The following ALPK1 variants were observed in gnomAD, a reference collection of about 807,000 sequenced individuals.
ALPK1 encodes alpha-protein kinase 1.
Under a neutral mutation model 120.6 loss-of-function variants are expected in ALPK1, and 110 were observed. That is an observed-to-expected ratio of 0.91 (90% CI 0.78 to 1.07). The LOEUF (loss-of-function observed/expected upper bound fraction) is 1.07. Ranked by LOEUF, ALPK1 falls within the 50% of genes least tolerant of loss-of-function variation. The pLI is 0.00. For synonymous variants in ALPK1, 582 were observed against 560.3 expected (o/e 1.04, Z -0.55); for missense variants, 1,498 against 1,483.9 (o/e 1.01, Z -0.16).
intron 5 of ALPK1, among the ~76,000 whole-genome samples, chr4:112,423,183 A>C (rs1734074705): frequency 6.6e-6 from 1 of 152,236 alleles, no homozygotes; most frequent in Non-Finnish European, 1.5e-5. Context: ...ATTTGAGCAA[A>C]GACCTGAAGA....
chr4:112,411,761 C>G, intron 4 of ALPK1, 66 bp from the exon 5 acceptor site: 1 of 1,498,660 alleles, frequency 6.7e-7, no homozygotes, highest in African/African-American at 1.4e-5. Flanking sequence ...GCCTCCCACG[C>G]TAAGCCTGGC....
Position 112,438,565 on chromosome 4 carries a change from C to T in ALPK1, c.3270C>T (p.His1090=), listed in dbSNP as rs375281997. Residue 1090 remains histidine (H), a synonymous_variant, in exon 13 of 16, where the codon CAC becomes CAT. Transcript: ENST00000650871. The part of the protein sequence containing the change: ...TDVERQMTAQ[H]YVTEFNKRLY... ...TGGAGCGACAGATGACCGCACAGCA[C>T]TATGTGACAGAATTTAACAAGAGAC... 463 of 1,613,738 alleles carry T rather than the reference C, an allele frequency of 2.9e-4. No homozygotes were observed. Among genetic ancestry groups the T allele is most frequent in the Non-Finnish European group, 3.7e-4 (441 of 1,179,820 alleles).
At chr4:112,424,868 T>C (rs1345358467) in intron 6 of ALPK1, among the ~76,000 whole-genome samples, 2 of 152,202 alleles carry the variant, frequency 1.3e-5, no homozygotes, top group Non-Finnish European at 2.9e-5. Context: ...GTAAAGAGTC[T>C]GCCTCTATTT....
At chr4:112,348,794 C>A (rs1421122622) in intron 2 of ALPK1, among the ~76,000 whole-genome samples, 2 of 152,234 alleles carry the variant, frequency 1.3e-5, no homozygotes, top group African/African-American at 4.8e-5. Flanking sequence ...GGAGTGTGGT[C>A]TGCCAATCCC....
chr4:112,381,696 G>A (rs979136910), intron 3 of ALPK1, among the ~76,000 whole-genome samples: 33 of 152,254 alleles, frequency 2.2e-4, no homozygotes, highest in African/African-American at 7.5e-4. Context: ...ACTATAAATA[G>A]CCTCTAGTTA....
At chr4:112,377,202 T>C (rs1019238841) in intron 2 of ALPK1, among the ~76,000 whole-genome samples, 2 of 152,200 alleles carry the variant, frequency 1.3e-5, no homozygotes, top group Non-Finnish European at 2.9e-5. Context: ...ATTGCCTATC[T>C]TGGTCCAAAT....
chr4:112,403,139 A>C (rs929308319), intron 4 of ALPK1, among the ~76,000 whole-genome samples: 1 of 152,008 alleles, frequency 6.6e-6, no homozygotes, highest in Non-Finnish European at 1.5e-5. Flanking sequence ...ACTCTTTAGC[A>C]TCCCTTCCCT....
chr4:112,324,448 TTTTG>T lies in ALPK1; in HGVS notation c.-101+8616_-101+8619del, dbSNP rs551021178. ...GGTAAGGAGAGGTTGGCCTGGCTTT[TTTTG>T]TTTGTTTGTTTGTTTGTTTTGTTTT... On this transcript the variant is annotated intron_variant, in intron 2 of 15. Coordinates refer to ENST00000650871, the MANE Select transcript of ALPK1 (RefSeq NM_025144.4). Among the ~76,000 whole-genome samples the T allele has an allele frequency of 6.6e-4, 101 of 152,230 alleles. 1 individual carries two copies. The highest frequency in any genetic ancestry group is 2.3e-3 in the East Asian group (12 of 5,182).
At chr4:112,356,279 T>G (rs928185646) in intron 2 of ALPK1, 2 of 1,143,026 alleles carry the variant, frequency 1.7e-6, no homozygotes, top group East Asian at 2.3e-5. Context: ...CAAGACGCTG[T>G]GCCTCCTGTG....
At chr4:112,406,281 T>C (rs1210610867) in intron 4 of ALPK1, among the ~76,000 whole-genome samples, 40 of 152,178 alleles carry the variant, frequency 2.6e-4, no homozygotes, top group Admixed American at 2.5e-3. Context: ...ATACATGCAA[T>C]GGAATATTAT....
chr4:112,362,603 C>T (rs1730961359), intron 2 of ALPK1, among the ~76,000 whole-genome samples: 1 of 152,012 alleles, frequency 6.6e-6, no homozygotes, highest in Admixed American at 6.6e-5. Context: ...AGGACTAAAC[C>T]TACAAATAAT....
chr4:112,359,417 C>A (rs1471502431), intron 2 of ALPK1: 4 of 309,090 alleles, frequency 1.3e-5, no homozygotes, highest in Non-Finnish European at 2.5e-5. Flanking sequence ...CTGAGAACAT[C>A]CCCCTGCTGC....
intron 4 of ALPK1, among the ~76,000 whole-genome samples, chr4:112,402,274 C>A (rs57590313): frequency 0.19 from 28,160 of 152,156 alleles, 3,535 homozygotes; most frequent in East Asian, 0.49. Context: ...TTCACCCAGC[C>A]CCTCCTTGAG....
intron 2 of ALPK1, among the ~76,000 whole-genome samples, chr4:112,346,718 A>G (rs1290307355): frequency 6.6e-6 from 1 of 152,248 alleles, no homozygotes; most frequent in Admixed American, 6.5e-5. Flanking sequence ...TCAGGGTAAG[A>G]CAAATTGCTG....
Position 112,418,425 on chromosome 4 carries a change from G to A in ALPK1, c.476-5519G>A, listed in dbSNP as rs1376847123. Reference sequence around the variant, plus strand: ...GCTGAGAGGACTGACTGCCGGGTTCGGCTGACCCTCTGCACAATGAGGAGA... The same window carrying A: ...GCTGAGAGGACTGACTGCCGGGTTCAGCTGACCCTCTGCACAATGAGGAGA... On this transcript the variant is annotated intron_variant, in intron 5 of 15. Transcript: ENST00000650871. 2.6e-5 allele frequency among the ~76,000 whole-genome samples: 4 copies of A among 152,194 alleles called. 1 individual carries two copies. The highest frequency in any genetic ancestry group is 4.1e-4 in the South Asian group (2 of 4,828).
intron 2 of ALPK1, among the ~76,000 whole-genome samples, chr4:112,334,975 T>TA (rs1187346025): frequency 6.6e-6 from 1 of 152,186 alleles, no homozygotes; most frequent in Non-Finnish European, 1.5e-5. Context: ...GATCCTTTTT[T>TA]AAACAGGGCA....
intron 2 of ALPK1, chr4:112,358,378 A>T (rs1228642879): frequency 1.7e-6 from 1 of 605,604 alleles, no homozygotes; most frequent in African/African-American, 1.8e-5. Context: ...CCTGGGCTGT[A>T]GCACCCAGTT....
intron 2 of ALPK1, among the ~76,000 whole-genome samples, chr4:112,323,273 T>C (rs1447012981): frequency 1.3e-5 from 2 of 152,232 alleles, no homozygotes; most frequent in Non-Finnish European, 2.9e-5. Flanking sequence ...CATTATTTTT[T>C]TCCTCAAAGT....
intron 4 of ALPK1, among the ~76,000 whole-genome samples, chr4:112,397,091 T>C (rs543789506): frequency 2.0e-5 from 3 of 152,318 alleles, no homozygotes; most frequent in South Asian, 2.1e-4. Context: ...GGCGTTGTTA[T>C]CTTTACTTTA....
Sources: gnomAD v4.1 joint callset for allele counts (sites outside exome capture counted in the v4.1 genomes callset) on GRCh38, gnomAD v4.1.1 for gene constraint, MANE v1.5 for transcripts, NCBI Gene and HGNC (gene_info 2026-07-23, HGNC 2026-07-21) for gene names.